The following C10orf71 variants were observed in gnomAD, a reference collection of about 807,000 sequenced individuals.
C10orf71 encodes chromosome 10 open reading frame 71.
For missense variants in C10orf71, 1,869 were observed against 1,804.5 expected, an observed-to-expected ratio of 1.04 and a Z score of -0.65; for synonymous variants, 758 against 726.3, an observed-to-expected ratio of 1.04 and a Z score of -0.70.
rs1051768612 is a variant in C10orf71 at position 49,327,216 on chromosome 10, G to A, written c.*363G>A. ...ATTAGGTGGGTGTGGCAAGGGCACC[G>A]CCTGGTCCCAAGTGTCCCTCTGTAC... On this transcript the variant is annotated 3_prime_UTR_variant, in exon 3 of 3. Transcript: ENST00000374144. The A allele has an allele frequency of 3.2e-5, 14 of 443,256 alleles. No individual in the cohort carries two copies. Among genetic ancestry groups the A allele is most frequent in the Middle Eastern group, 7.9e-4 (1 of 1,270 alleles). 27.5% of individuals were successfully genotyped at this position (443,256 alleles called of 1,614,324 possible).
intron 1 of C10orf71, among the ~76,000 whole-genome samples, chr10:49,315,623 T>C (rs1429307821): frequency 6.6e-6 from 1 of 152,216 alleles, no homozygotes; most frequent in African/African-American, 2.4e-5. Context: ...TCTTGGGCCA[T>C]GGACAAATTA....
intron 1 of C10orf71, among the ~76,000 whole-genome samples, chr10:49,300,095 C>T (rs1848700525): frequency 6.6e-6 from 1 of 152,170 alleles, no homozygotes; most frequent in African/African-American, 2.4e-5. Flanking sequence ...GTGTGGAAAG[C>T]TAGATAGCCT....
In C10orf71 at chr10:49,326,060, C is replaced by T. The variant is rs1369165016; in HGVS notation, c.3515C>T (p.Ala1172Val). The change falls in exon 3 of 3, where the codon GCA becomes GTA. Residue 1172 changes from alanine (A) to valine (V), a missense_variant. Transcript: ENST00000374144. ...GAGAGGACAGCAAGCAAGCCACCTG[C>T]AGTCCCACCCAAAACAGAGAAAGCC... is the stretch of plus-strand genomic sequence containing the variant. ...QLERTASKPP[A>V]VPPKTEKALR... 6.4e-6 allele frequency: 10 copies of T among 1,551,746 alleles called. No individual in the cohort carries two copies. The highest frequency in any genetic ancestry group is 3.3e-4 in the Middle Eastern group (2 of 5,992).
rs542947108 is a variant in C10orf71 at position 49,322,447 on chromosome 10, A to G, written c.-99A>G. On this transcript the variant is annotated 5_prime_UTR_variant, in exon 3 of 3. Coordinates refer to ENST00000374144, the MANE Select transcript of C10orf71 (RefSeq NM_001135196.2). ...TTTGCAATTGCATCTGGTCAATGAG[A>G]GGCTCTAGTTTTGGGGAAGAGGGAA... The G allele has an allele frequency of 5.5e-5, 76 of 1,387,978 alleles. 1 individual carries two copies. In the Admixed American group the frequency reaches 1.8e-3, roughly 32 times the overall value. 86.0% of individuals were successfully genotyped at this position (1,387,978 alleles called of 1,614,324 possible).
chr10:49,312,509 G>A (rs918826944), intron 1 of C10orf71, among the ~76,000 whole-genome samples: 3 of 152,222 alleles, frequency 2.0e-5, no homozygotes, highest in African/African-American at 7.2e-5. Flanking sequence ...TCACACTGTG[G>A]CTGTAAACAG....
intron 1 of C10orf71, among the ~76,000 whole-genome samples, chr10:49,301,325 C>T (rs960468250): frequency 3.9e-5 from 6 of 152,200 alleles, no homozygotes; most frequent in Non-Finnish European, 8.8e-5. Context: ...CCTCATTTCA[C>T]AAAATCCAGC....
chr10:49,325,715 C>G lies in C10orf71; in HGVS notation c.3170C>G (p.Pro1057Arg). ...RLVPSERANS[P>R]NPGSPGESSA... The stretch of plus-strand genomic sequence containing the variant: ...GTCCCCAGTGAGAGGGCGAATTCCC[C>G]CAACCCCGGCTCCCCCGGGGAGAGC... Residue 1057 changes from proline to arginine, a missense_variant, in exon 3 of 3, where the codon CCC (proline) becomes CGC (arginine). Pro to Arg is a moderately radical substitution (Grantham distance 103). Transcript: ENST00000374144. The G allele has an allele frequency of 6.4e-7, 1 of 1,551,696 alleles. No homozygotes were observed. The highest frequency in any genetic ancestry group is 2.4e-5 in the East Asian group (1 of 40,902).
intron 2 of C10orf71, among the ~76,000 whole-genome samples, chr10:49,319,052 T>G (rs543419718): frequency 1.3e-5 from 2 of 152,340 alleles, no homozygotes; most frequent in Admixed American, 6.5e-5. Flanking sequence ...GGGAGTTCTC[T>G]GGCAGTGTTT....
intron 1 of C10orf71, among the ~76,000 whole-genome samples, chr10:49,312,768 T>C (rs1348801195): frequency 1.3e-5 from 2 of 152,218 alleles, no homozygotes; most frequent in Non-Finnish European, 2.9e-5. Flanking sequence ...AACAATCCCG[T>C]CCACCTGCTT....
chr10:49,308,760 A>G (rs1473647299), intron 1 of C10orf71, among the ~76,000 whole-genome samples: 2 of 152,236 alleles, frequency 1.3e-5, no homozygotes, highest in South Asian at 2.1e-4. Flanking sequence ...ATGGATCAAT[A>G]CATAAATAAG....
Position 49,325,013 on chromosome 10 carries a change from G to A in C10orf71, c.2468G>A (p.Arg823Lys). The A allele has an allele frequency of 6.4e-7, 1 of 1,551,564 alleles. No homozygotes were observed. Among genetic ancestry groups the A allele is most frequent in the Non-Finnish European group, 8.7e-7 (1 of 1,146,892 alleles). ...RKASAEEANFRGSWIGENKGT... is the reference protein window; with the variant it reads ...RKASAEEANFKGSWIGENKGT... ...GCATCAGCAGAGGAAGCTAATTTCA[G>A]AGGCTCTTGGATTGGGGAAAATAAG... Residue 823 changes from arginine to lysine, a missense_variant, in exon 3 of 3, where the codon AGA becomes AAA. Physicochemically the swap from Arg to Lys is conservative, Grantham distance 26. Transcript: ENST00000374144.
At position 49,319,682 on chromosome 10, in the gene C10orf71, CTATATA is replaced by C. The variant is rs60174377; in HGVS notation, c.-144-2673_-144-2668del. On this transcript the variant is annotated intron_variant, in intron 2 of 2. Coordinates refer to ENST00000374144, the MANE Select transcript of C10orf71 (RefSeq NM_001135196.2). The stretch of plus-strand genomic sequence containing the variant: ...GTATATATATGTACACACACACAAG[CTATATA>C]TATATATATATATATATATATATAT... Among the ~76,000 whole-genome samples the C allele has an allele frequency of 9.2e-3, 1,082 of 117,482 alleles. 8 individuals carry two copies. The highest frequency in any genetic ancestry group is 0.017 in the South Asian group (62 of 3,714). 77.1% of individuals were successfully genotyped at this position (117,482 alleles called of 152,430 possible). A position where few individuals can be genotyped will look rare whatever the true frequency, so the allele number is the denominator to read the frequency against.
chr10:49,304,097 G>C (rs1448640401), intron 1 of C10orf71, among the ~76,000 whole-genome samples: 1 of 152,242 alleles, frequency 6.6e-6, no homozygotes, highest in Non-Finnish European at 1.5e-5. Context: ...AGGAGAGCCA[G>C]GTCCTACACA....
In C10orf71 at chr10:49,327,491, T is replaced by C. The variant is rs1192974908; in HGVS notation, c.*638T>C. On this transcript the variant is annotated 3_prime_UTR_variant, in exon 3 of 3. Transcript: ENST00000374144. ...AAACAAGTTTGCAGATACGGTTCTCTTCCTGGACTCCTGTCTTCCTTCTGT... is the reference window on the plus strand; with the variant it reads ...AAACAAGTTTGCAGATACGGTTCTCCTCCTGGACTCCTGTCTTCCTTCTGT... The C allele has an allele frequency of 5.8e-6, 1 of 173,006 alleles. No homozygotes were observed. The highest frequency in any genetic ancestry group is 1.4e-5 in the Non-Finnish European group (1 of 71,924). 10.7% of individuals were successfully genotyped at this position (173,006 alleles called of 1,614,324 possible). A position where few individuals can be genotyped will look rare whatever the true frequency, so the allele number is the denominator to read the frequency against.
chr10:49,304,170 CTG>C (rs1009997775), intron 1 of C10orf71, among the ~76,000 whole-genome samples: 2 of 152,224 alleles, frequency 1.3e-5, no homozygotes, highest in Non-Finnish European at 2.9e-5. Flanking sequence ...AGAGAGATAA[CTG>C]AGAATTTGCT....
Position 49,323,637 on chromosome 10 carries a change from A to C in C10orf71, c.1092A>C (p.Lys364Asn). 6.2e-7 allele frequency: 1 copy of C among 1,605,538 alleles called. No individual in the cohort carries two copies. The highest frequency in any genetic ancestry group is 1.1e-5 in the South Asian group (1 of 89,530). The change falls in exon 3 of 3, where the codon AAA (lysine) becomes AAC (asparagine). Residue 364 changes from lysine (K) to asparagine (N), a missense_variant. Lys to Asn is a moderately conservative substitution (Grantham distance 94, BLOSUM62 0). Coordinates refer to ENST00000374144, the MANE Select transcript of C10orf71 (RefSeq NM_001135196.2). The part of the protein sequence containing the change: ...PGAQVFAVEG[K>N]APSSQPDSQE... ...CCCAGGTATTTGCTGTGGAAGGAAAAGCTCCCAGCTCACAACCTGATTCTC... is the reference window on the plus strand; with the variant it reads ...CCCAGGTATTTGCTGTGGAAGGAAACGCTCCCAGCTCACAACCTGATTCTC...
rs1045040536 is a variant in C10orf71 at position 49,322,603 on chromosome 10, A to G, written c.58A>G (p.Ser20Gly). The G allele has an allele frequency of 6.2e-7, 1 of 1,612,976 alleles. No homozygotes were observed. Among genetic ancestry groups the G allele is most frequent in the Non-Finnish European group, 8.5e-7 (1 of 1,179,374 alleles). ...GTTCAGCGACTCCTCCAGCATCGGCAGCGTGTTGGATGATGCAGACAGGGA... is the reference window on the plus strand; with the variant it reads ...GTTCAGCGACTCCTCCAGCATCGGCGGCGTGTTGGATGATGCAGACAGGGA... ...DAFSDSSSIG[S>G]VLDDADREVS... The change falls in exon 3 of 3, where the codon AGC becomes GGC. Residue 20 changes from serine to glycine, a missense_variant. Physicochemically the swap from Ser to Gly is moderately conservative, Grantham distance 56. Coordinates refer to ENST00000374144, the MANE Select transcript of C10orf71 (RefSeq NM_001135196.2).
chr10:49,303,127 A>G (rs964641124), intron 1 of C10orf71, among the ~76,000 whole-genome samples: 25 of 152,234 alleles, frequency 1.6e-4, no homozygotes, highest in Admixed American at 1.4e-3. Context: ...AGAGTCACCA[A>G]GGAGAAAGTC....
chr10:49,305,898 GT>G (rs1848804650), intron 1 of C10orf71, among the ~76,000 whole-genome samples: 1 of 152,204 alleles, frequency 6.6e-6, no homozygotes, highest in Non-Finnish European at 1.5e-5. Context: ...TTGTGAAGAG[GT>G]TTTTTAAATG....
Sources: allele counts gnomAD v4.1 joint callset (sites outside exome capture counted in the v4.1 genomes callset), GRCh38; gene constraint gnomAD v4.1.1; transcripts MANE v1.5; gene names NCBI Gene and HGNC (gene_info 2026-07-23, HGNC 2026-07-21).